Variants in RFTN2 observed in about 807,000 individuals in gnomAD.
The protein encoded by RFTN2 is raftlin-2.
Under a neutral mutation model 52.7 loss-of-function variants are expected in RFTN2, and 34 were observed. That is an observed-to-expected ratio of 0.64 (90% confidence interval 0.49 to 0.86). RFTN2 has a LOEUF of 0.86. RFTN2 is among the 40% of genes least tolerant of loss of function. The pLI is 0.00. For synonymous variants in RFTN2, 203 were observed against 217.7 expected, an observed-to-expected ratio of 0.93 and a Z score of 0.59; for missense variants, 536 against 600.1, an observed-to-expected ratio of 0.89 and a Z score of 1.12.
At chr2:197,573,784 T>C (rs2087366490) in intron 8 of RFTN2, among the ~76,000 whole-genome samples, 1 of 152,184 alleles carries the variant, frequency 6.6e-6, no homozygotes, top group African/African-American at 2.4e-5. Flanking sequence ...CTTGCTGCTT[T>C]GTGCAATTTT....
intron 8 of RFTN2, among the ~76,000 whole-genome samples, chr2:197,582,861 C>T (rs987878941): frequency 6.6e-6 from 1 of 152,192 alleles, no homozygotes; most frequent in Non-Finnish European, 1.5e-5. Context: ...TATGCTTATG[C>T]TGATAAGGTA....
chr2:197,633,753 C>T lies in RFTN2; in HGVS notation c.683G>A (p.Gly228Asp), dbSNP rs1398309400. 6.2e-7 allele frequency: 1 copy of T among 1,613,488 alleles called. No homozygotes were observed. Among genetic ancestry groups the T allele is most frequent in the Non-Finnish European group, 8.5e-7 (1 of 1,179,674 alleles). ...ESGQYQMEQN[G>D]SPTSSKSRKG... Reference sequence around the variant, plus strand: ...TCTTGATTTAGAGGAAGTAGGGCTGCCATTTTGTTCCATTTGATACTGTCC... The same window carrying T: ...TCTTGATTTAGAGGAAGTAGGGCTGTCATTTTGTTCCATTTGATACTGTCC... The change falls in exon 4 of 9, where the codon GGC (glycine) becomes GAC (aspartate). Residue 228 changes from glycine (G) to aspartate (D), a missense_variant. Coordinates refer to ENST00000295049, the MANE Select transcript of RFTN2 (RefSeq NM_144629.3).
At chr2:197,612,336 A>T (rs1184150591) in intron 7 of RFTN2, among the ~76,000 whole-genome samples, 1 of 152,110 alleles carries the variant, frequency 6.6e-6, no homozygotes, top group African/African-American at 2.4e-5. Flanking sequence ...TGTTTCTGAA[A>T]GTGCATAAAA....
rs376776275 is a variant in RFTN2 at position 197,626,616 on chromosome 2, TC to T, written c.928+4394del. Among the ~76,000 whole-genome samples, 1,080 of 113,954 alleles carry T rather than the reference TC, an allele frequency of 9.5e-3. 26 individuals carry two copies. Among genetic ancestry groups the T allele is most frequent in the Non-Finnish European group, 0.01 (602 of 57,942 alleles). The allele number at this position is 113,954 out of a possible 152,430, so 74.8% of individuals were successfully genotyped here. On this transcript the variant is annotated intron_variant, in intron 5 of 8. Transcript: ENST00000295049. ...TTAAAATAAAAAAAAGGAATAATCT[TC>T]TTTTTTTTTTTTTTTTTTTTTTGAG...
chr2:197,591,520 G>A (rs962175966), intron 8 of RFTN2, among the ~76,000 whole-genome samples: 1 of 152,228 alleles, frequency 6.6e-6, no homozygotes, highest in Non-Finnish European at 1.5e-5. Context: ...GGGGCGGCAG[G>A]TGGAGCTGTC....
chr2:197,662,327 G>C (rs185897711), intron 1 of RFTN2, among the ~76,000 whole-genome samples: 219 of 152,228 alleles, frequency 1.4e-3, no homozygotes, highest in Non-Finnish European at 2.6e-3. Context: ...ATAGATAGTG[G>C]TCTGGTTTCA....
At chr2:197,628,100 T>C (rs752412268) in intron 5 of RFTN2, among the ~76,000 whole-genome samples, 8 of 151,948 alleles carry the variant, frequency 5.3e-5, no homozygotes, top group Non-Finnish European at 1.0e-4. Flanking sequence ...GCATCAAACA[T>C]ACCAAAACAA....
intron 3 of RFTN2, among the ~76,000 whole-genome samples, chr2:197,635,697 C>T (rs1168770730): frequency 6.7e-6 from 1 of 150,322 alleles, no homozygotes; most frequent in Non-Finnish European, 1.5e-5. Flanking sequence ...TGCTTGTTCA[C>T]TCTGATGGTA....
chr2:197,617,623 G>A (rs1409216103), intron 6 of RFTN2, among the ~76,000 whole-genome samples, 177 bp downstream of exon 6: 1 of 152,026 alleles, frequency 6.6e-6, no homozygotes, highest in Non-Finnish European at 1.5e-5. Context: ...TGAGGCTGCA[G>A]TGAGCTGTGA....
intron 8 of RFTN2, among the ~76,000 whole-genome samples, chr2:197,594,022 T>C (rs1433639692): frequency 6.8e-6 from 1 of 146,806 alleles, no homozygotes; most frequent in Non-Finnish European, 1.5e-5. Flanking sequence ...TTTCTTTTTT[T>C]TTTTTTTTTT....
intron 5 of RFTN2, among the ~76,000 whole-genome samples, chr2:197,624,294 A>G (rs1270589027): frequency 6.6e-6 from 1 of 152,136 alleles, no homozygotes; most frequent in Non-Finnish European, 1.5e-5. Context: ...TATGCTAGAG[A>G]GAAATTTTGT....
intron 8 of RFTN2, among the ~76,000 whole-genome samples, chr2:197,588,992 G>C (rs963400739): frequency 6.6e-6 from 1 of 152,096 alleles, no homozygotes; most frequent in Non-Finnish European, 1.5e-5. Flanking sequence ...GGGAGGCCAA[G>C]GCAGGTGGAC....
At chr2:197,590,928 C>T (rs1165734846) in intron 8 of RFTN2, among the ~76,000 whole-genome samples, 1 of 152,150 alleles carries the variant, frequency 6.6e-6, no homozygotes, top group Non-Finnish European at 1.5e-5. Flanking sequence ...ACAAAACTCC[C>T]CAAGTGGGGA....
chr2:197,642,919 C>T (rs1280834474), intron 3 of RFTN2, among the ~76,000 whole-genome samples: 1 of 152,070 alleles, frequency 6.6e-6, no homozygotes, highest in Non-Finnish European at 1.5e-5. Context: ...TTCGAGACTG[C>T]AGCGAGCTAT....
intron 8 of RFTN2, among the ~76,000 whole-genome samples, chr2:197,592,884 C>T (rs2087740028): frequency 6.6e-6 from 1 of 152,142 alleles, no homozygotes; most frequent in African/African-American, 2.4e-5. Flanking sequence ...GAAAGTATTA[C>T]TACCATTCTG....
In RFTN2 at chr2:197,646,267, C is replaced by T. The variant is rs76837278; in HGVS notation, c.323+216G>A. On this transcript the variant is annotated intron_variant, in intron 2 of 8. Coordinates refer to ENST00000295049, the MANE Select transcript of RFTN2 (RefSeq NM_144629.3). ...TGTTCACTGACATCCTCACTTAGGACACATTTGTCTGCAAGAAGCAAAAAT... is the reference window on the plus strand; with the variant it reads ...TGTTCACTGACATCCTCACTTAGGATACATTTGTCTGCAAGAAGCAAAAAT... Among the ~76,000 whole-genome samples, 944 of 152,266 alleles carry T rather than the reference C, an allele frequency of 6.2e-3. 9 individuals carry two copies. Among genetic ancestry groups the T allele is most frequent in the African/African-American group, 0.022 (903 of 41,552 alleles).
chr2:197,650,200 C>T (rs11690491), intron 1 of RFTN2, among the ~76,000 whole-genome samples: 73,794 of 151,774 alleles, frequency 0.49, 18,456 homozygotes, highest in Middle Eastern at 0.59. Flanking sequence ...TAAGTATACA[C>T]GCATTATTGT....
At chr2:197,637,827 T>G (rs550325045) in intron 3 of RFTN2, among the ~76,000 whole-genome samples, 32 of 152,210 alleles carry the variant, frequency 2.1e-4, no homozygotes, top group South Asian at 4.2e-4. Context: ...TTAATTGTGA[T>G]GTTAGGGTGT....
At chr2:197,573,593 A>C (rs1169063026) in intron 8 of RFTN2, among the ~76,000 whole-genome samples, 4 of 152,258 alleles carry the variant, frequency 2.6e-5, no homozygotes, top group African/African-American at 9.6e-5. Context: ...TAGAAAAGAA[A>C]AACCAATTTT....
Sources: allele counts gnomAD v4.1 joint callset (sites outside exome capture counted in the v4.1 genomes callset), GRCh38; gene constraint gnomAD v4.1.1; transcripts MANE v1.5; gene names NCBI Gene and HGNC (gene_info 2026-07-23, HGNC 2026-07-21).